The following TRERF1 variants were observed in gnomAD, a reference collection of about 807,000 sequenced individuals.
TRERF1 encodes transcriptional-regulating factor 1.
A neutral mutation model predicts 122.9 loss-of-function variants in TRERF1; 27 were observed. The observed-to-expected ratio is 0.22, with a 90% CI of 0.16 to 0.30. The LOEUF (loss-of-function observed/expected upper bound fraction) is 0.30, where lower values mean the gene tolerates loss of function less well. Among genes scored for constraint, TRERF1 ranks in the 10% least tolerant of loss-of-function variants. The pLI is 1.00. For missense variants in TRERF1, 1,248 were observed against 1,560.3 expected (o/e 0.80, Z 3.37); for synonymous variants, 636 against 641.7 (o/e 0.99, Z 0.13).
At chr6:42,239,403 A>G (rs1582478203) in intron 15 of TRERF1, among the ~76,000 whole-genome samples, 1 of 151,852 alleles carries the variant, frequency 6.6e-6, no homozygotes, top group South Asian at 2.1e-4. Context: ...CATTAACAGA[A>G]CCCATCTTGG....
chr6:42,252,162 T>C (rs376141480), intron 13 of TRERF1, among the ~76,000 whole-genome samples: 2 of 152,252 alleles, frequency 1.3e-5, no homozygotes, highest in African/African-American at 2.4e-5. Context: ...ACAGGGTTCA[T>C]GTGGCCTTGG....
Position 42,263,261 on chromosome 6 carries a change from G to T in TRERF1, c.1884+59C>A. On this transcript the variant is annotated intron_variant, in intron 8 of 17. Coordinates refer to ENST00000372922, the Ensembl canonical transcript of TRERF1. This position sits in a 1 kb window ranked among gnomAD's most constrained non-coding sequence, Gnocchi z 5.6. ...AGGTGGGGCAGAGCAGCAACTCACAGCAGGCGTGCGGGGGGCAGCCCCTTG... is the reference window on the plus strand; with the variant it reads ...AGGTGGGGCAGAGCAGCAACTCACATCAGGCGTGCGGGGGGCAGCCCCTTG... 6.5e-7 allele frequency: 1 copy of T among 1,536,808 alleles called. No homozygotes were observed. The highest frequency in any genetic ancestry group is 1.8e-5 in the Admixed American group (1 of 54,058).
chr6:42,268,198 C>G lies in TRERF1; in HGVS notation c.1393G>C (p.Gly465Arg). 5 of 1,469,404 alleles carry G rather than the reference C, an allele frequency of 3.4e-6. No individual in the cohort carries two copies. Among genetic ancestry groups the G allele is most frequent in the Non-Finnish European group, 4.5e-6 (5 of 1,109,596 alleles). The allele number at this position is 1,469,404 out of a possible 1,614,324, so 91.0% of individuals were successfully genotyped here. A position where few individuals can be genotyped will look rare whatever the true frequency, so the allele number is the denominator to read the frequency against. Residue 465 changes from glycine to arginine, a missense_variant, in exon 5 of 18, where the codon GGG becomes CGG. Coordinates refer to ENST00000372922, the Ensembl canonical transcript of TRERF1. This position sits in a 1 kb window ranked among gnomAD's most constrained non-coding sequence, Gnocchi z 4.4. ...GGAGACAGCTGCTGATGCTGAGGCC[C>G]CATGTTGTTGAGGTGGATCCCACTG...
At chr6:42,397,727 G>A (rs1042641636) in intron 2 of TRERF1, among the ~76,000 whole-genome samples, 3 of 152,194 alleles carry the variant, frequency 2.0e-5, no homozygotes, top group Non-Finnish European at 2.9e-5. Context: ...CATCAGAAGT[G>A]CATTAATAAC....
At chr6:42,237,806 T>C (rs533218283) in intron 15 of TRERF1, among the ~76,000 whole-genome samples, 2 of 152,222 alleles carry the variant, frequency 1.3e-5, no homozygotes, top group African/African-American at 4.8e-5. Flanking sequence ...AGGGAGACAA[T>C]GCCAGTATGT....
At chr6:42,277,421 CT>C (rs1385383612) in intron 4 of TRERF1, among the ~76,000 whole-genome samples, 1 of 152,146 alleles carries the variant, frequency 6.6e-6, no homozygotes, top group Non-Finnish European at 1.5e-5. Context: ...TCTTTGGGGT[CT>C]TTTTGAAGCC....
chr6:42,345,136 A>G (rs1278936448), intron 3 of TRERF1, among the ~76,000 whole-genome samples: 1 of 152,252 alleles, frequency 6.6e-6, no homozygotes, highest in Non-Finnish European at 1.5e-5. Context: ...GTGTCTGAGC[A>G]TGTGTGAGTG....
intron 2 of TRERF1, among the ~76,000 whole-genome samples, chr6:42,449,701 TG>T (rs1381106488): frequency 6.6e-6 from 1 of 152,212 alleles, no homozygotes. Flanking sequence ...GCTTAACTAA[TG>T]CCTAGTTAGG....
At chr6:42,366,790 A>T (rs923556981) in intron 2 of TRERF1, among the ~76,000 whole-genome samples, 10 of 152,190 alleles carry the variant, frequency 6.6e-5, no homozygotes, top group African/African-American at 2.4e-4. Flanking sequence ...CCATCTAACA[A>T]TTCTGGGATT....
chr6:42,426,537 T>C (rs1247900556), intron 2 of TRERF1, among the ~76,000 whole-genome samples: 1 of 152,236 alleles, frequency 6.6e-6, no homozygotes, highest in Non-Finnish European at 1.5e-5. Context: ...CAAATAATTA[T>C]TCCCAAAAAG....
chr6:42,261,525 A>G (rs1030926573), intron 8 of TRERF1, among the ~76,000 whole-genome samples: 1 of 149,216 alleles, frequency 6.7e-6, no homozygotes, highest in Non-Finnish European at 1.5e-5. Context: ...AAAACTTTAA[A>G]AAGCTGCCCA....
chr6:42,442,433 A>C (rs1786697023), intron 2 of TRERF1, among the ~76,000 whole-genome samples: 1 of 152,152 alleles, frequency 6.6e-6, no homozygotes, highest in African/African-American at 2.4e-5. Context: ...CCAAAGTCAG[A>C]GCCCAGGGGC....
chr6:42,420,909 G>A (rs924147414), intron 2 of TRERF1, among the ~76,000 whole-genome samples: 12 of 152,164 alleles, frequency 7.9e-5, no homozygotes, highest in South Asian at 2.1e-4. Flanking sequence ...GCCTCTGCCC[G>A]AACACTTCCC....
At chr6:42,404,432 C>T (rs1003135738) in intron 2 of TRERF1, among the ~76,000 whole-genome samples, 3 of 152,122 alleles carry the variant, frequency 2.0e-5, no homozygotes, top group African/African-American at 7.2e-5. Context: ...TCTCTGGATT[C>T]TTGCTGTGGC....
chr6:42,246,741 T>C (rs1774872292), intron 13 of TRERF1, among the ~76,000 whole-genome samples, 197 bp from the exon 14 acceptor site: 1 of 152,252 alleles, frequency 6.6e-6, no homozygotes, highest in African/African-American at 2.4e-5. Flanking sequence ...AGCTATGGCC[T>C]TGACCTTGGC....
intron 6 of TRERF1, among the ~76,000 whole-genome samples, chr6:42,265,241 A>AT (rs1778943299): frequency 1.3e-5 from 2 of 152,222 alleles, no homozygotes; most frequent in African/African-American, 2.4e-5. Context: ...CAGCCGCCGT[A>AT]CTGCACGCTT....
intron 2 of TRERF1, among the ~76,000 whole-genome samples, chr6:42,383,158 C>T (rs1334033929): frequency 2.0e-5 from 3 of 152,092 alleles, no homozygotes; most frequent in African/African-American, 7.2e-5. Flanking sequence ...GAGGTCAAGG[C>T]TACAGTGAGC....
At chr6:42,435,635 T>TA (rs1158849152) in intron 2 of TRERF1, among the ~76,000 whole-genome samples, 1 of 152,074 alleles carries the variant, frequency 6.6e-6, no homozygotes, top group African/African-American at 2.4e-5. Context: ...TTATAATAGT[T>TA]AAAAAATGAT....
At chr6:42,261,180 C>T (rs374325525) in intron 8 of TRERF1, among the ~76,000 whole-genome samples, 8 of 152,186 alleles carry the variant, frequency 5.3e-5, no homozygotes, top group South Asian at 4.1e-4. Context: ...CTGTGCCCCC[C>T]CCAAGGGGAG....
Sources: allele counts gnomAD v4.1 joint callset (sites outside exome capture counted in the v4.1 genomes callset), GRCh38; gene constraint gnomAD v4.1.1; non-coding constraint Gnocchi (gnomAD v3.1); transcripts MANE v1.5; gene names NCBI Gene and HGNC (gene_info 2026-07-23, HGNC 2026-07-21).